PCDHA3: variants seen among roughly 807,000 people sequenced by gnomAD.
PCDHA3 encodes the protein protocadherin alpha 3, also known as protocadherin alpha-3.
In PCDHA3, 41 loss-of-function variants were observed where a neutral mutation model predicts 62.2. That is an observed-to-expected ratio of 0.66 (90% CI 0.51 to 0.86). The LOEUF is 0.86. Among genes scored for constraint, PCDHA3 ranks in the 40% least tolerant of loss-of-function variants. PCDHA3 has a pLI of 0.00. For synonymous variants in PCDHA3, 640 were observed against 555.4 expected, an observed-to-expected ratio of 1.15 and a Z score of -2.14; for missense variants, 1,304 against 1,241.2, an observed-to-expected ratio of 1.05 and a Z score of -0.76.
chr5:140,891,820 G>A (rs1341896388), intron 1 of PCDHA3, among the ~76,000 whole-genome samples: 1 of 152,102 alleles, frequency 6.6e-6, no homozygotes, highest in African/African-American at 2.4e-5. Context: ...TAAATTAACG[G>A]CACTGTAAAA....
At chr5:140,879,876 A>G (rs1326051828) in intron 1 of PCDHA3, among the ~76,000 whole-genome samples, 1 of 152,126 alleles carries the variant, frequency 6.6e-6, no homozygotes, top group Non-Finnish European at 1.5e-5. Flanking sequence ...TCATGGTCAC[A>G]TTGCCTCCTC....
At position 140,850,402 on chromosome 5, in the gene PCDHA3, C is replaced by T. The variant is rs2150482432; in HGVS notation, c.2394+46811C>T. On this transcript the variant is annotated intron_variant, in intron 1 of 3. Coordinates refer to ENST00000522353, the MANE Select transcript of PCDHA3 (RefSeq NM_018906.3). ...ACGGGCGAGATCAGCACAACGCGTG[C>T]CCTGGACGAAACGGACGCACCGCGC... 60 of 1,597,956 alleles carry T rather than the reference C, an allele frequency of 3.8e-5. 2 individuals carry two copies. The East Asian group carries it at 1.1e-3, about 30-fold the overall frequency.
intron 1 of PCDHA3, chr5:140,824,297 C>A: frequency 1.1e-6 from 1 of 881,762 alleles, no homozygotes; most frequent in Non-Finnish European, 1.8e-6. Context: ...GGCTTTTCTG[C>A]TGGGGTAATA....
At chr5:140,831,878 G>A (rs2150197940) in intron 1 of PCDHA3, among the ~76,000 whole-genome samples, 3 of 152,080 alleles carry the variant, frequency 2.0e-5, no homozygotes, top group Admixed American at 6.6e-5. Context: ...ATTGTAAGGC[G>A]CTTATAACTG....
chr5:140,886,268 A>C (rs1250080024), intron 1 of PCDHA3, among the ~76,000 whole-genome samples: 2 of 151,920 alleles, frequency 1.3e-5, no homozygotes, highest in Non-Finnish European at 2.9e-5. Flanking sequence ...TTATAGATAA[A>C]ATTTTTTAAA....
intron 3 of PCDHA3, chr5:140,988,797 AT>A (rs1481469131): frequency 2.0e-5 from 3 of 152,116 alleles, no homozygotes; most frequent in African/African-American, 7.2e-5. Context: ...TAATAGAAGA[AT>A]TTCTTCCGTA....
At position 140,807,679 on chromosome 5, in the gene PCDHA3, G is replaced by A. The variant is rs782215966; in HGVS notation, c.2394+4088G>A. 16 of 1,614,118 alleles carry A rather than the reference G, an allele frequency of 9.9e-6. No individual in the cohort carries two copies. In the Admixed American group the frequency reaches 2.7e-4, roughly 27 times the overall value. ...GCGCCTCGGATGCAGATATCGGGGAGAACGCCCTGCTCACTTACAGACTGA... is the reference window on the plus strand; with the variant it reads ...GCGCCTCGGATGCAGATATCGGGGAAAACGCCCTGCTCACTTACAGACTGA... On this transcript the variant is annotated intron_variant, in intron 1 of 3. Transcript: ENST00000522353.
chr5:140,878,145 A>G (rs1331184448), intron 1 of PCDHA3: 4 of 183,786 alleles, frequency 2.2e-5, no homozygotes, highest in African/African-American at 9.5e-5. Flanking sequence ...CAGATGTTTG[A>G]TAACTTAAAA....
rs57893927 is a variant in PCDHA3 at position 140,946,631 on chromosome 5, T to TATATAC, written c.2395-32317_2395-32316insTATACA. Among the ~76,000 whole-genome samples, 104 of 131,796 alleles carry TATATAC rather than the reference T, an allele frequency of 7.9e-4. 5 individuals are homozygous for TATATAC. Among genetic ancestry groups the TATATAC allele is most frequent in the Admixed American group, 1.7e-3 (23 of 13,490 alleles). The allele number at this position is 131,796 out of a possible 152,430, so 86.5% of individuals were successfully genotyped here. Reference sequence around the variant, plus strand: ...TGTGAAATATATATATATATATATATACAATGGAATACTCATCAGCCATTA... The same window carrying TATATAC: ...TGTGAAATATATATATATATATATATATATACACAATGGAATACTCATCAGCCATTA... On this transcript the variant is annotated intron_variant, in intron 1 of 3. Transcript: ENST00000522353.
intron 1 of PCDHA3, among the ~76,000 whole-genome samples, chr5:140,901,805 T>G (rs115665679): frequency 0.012 from 1,857 of 152,304 alleles, 44 homozygotes; most frequent in African/African-American, 0.042. Context: ...TGAACATTTT[T>G]ACAATATTGA....
At chr5:140,876,298 G>T (rs1469744425) in intron 1 of PCDHA3, 3 of 1,613,970 alleles carry the variant, frequency 1.9e-6, no homozygotes, top group Non-Finnish European at 1.7e-6. Context: ...ACTTAATGGA[G>T]AAATTTCCTA....
At chr5:140,941,185 CTTTT>C (rs782102770) in intron 1 of PCDHA3, among the ~76,000 whole-genome samples, 59 of 102,236 alleles carry the variant, frequency 5.8e-4, no homozygotes, top group South Asian at 3.1e-3. Context: ...CATCCTGCTT[CTTTT>C]TTTTTCTTTC....
At chr5:140,840,691 C>G (rs2150308754) in intron 1 of PCDHA3, among the ~76,000 whole-genome samples, 2 of 151,924 alleles carry the variant, frequency 1.3e-5, no homozygotes, top group Non-Finnish European at 2.9e-5. Context: ...GTAAATAAAA[C>G]GGTTCAGGCA....
intron 1 of PCDHA3, chr5:140,831,274 GTCT>G (rs1554133162): frequency 2.0e-5 from 3 of 152,218 alleles, no homozygotes; most frequent in East Asian, 3.9e-4. Flanking sequence ...TCACTTGATG[GTCT>G]TCTCTTCATG....
chr5:140,801,550 A>G lies in PCDHA3; in HGVS notation c.353A>G (p.His118Arg), dbSNP rs782806333. The change falls in exon 1 of 4, where the codon CAT becomes CGT. Residue 118 changes from histidine to arginine, a missense_variant. His to Arg is a conservative substitution (Grantham distance 29). Transcript: ENST00000522353. The stretch of plus-strand genomic sequence containing the variant: ...GTGGACAGGCCGCTGCAGGTTTTCC[A>G]TGTGGAGGTGGAAGTGAAGGACATT... Reference protein sequence around the residue: ...VIVDRPLQVFHVEVEVKDIND... With the variant: ...VIVDRPLQVFRVEVEVKDIND... The G allele has an allele frequency of 4.8e-5, 77 of 1,614,100 alleles. No individual in the cohort carries two copies. The highest frequency in any genetic ancestry group is 5.7e-5 in the Non-Finnish European group (67 of 1,180,048).
chr5:140,983,101 C>T (rs1047738074), intron 3 of PCDHA3, among the ~76,000 whole-genome samples: 2 of 152,228 alleles, frequency 1.3e-5, no homozygotes, highest in African/African-American at 4.8e-5. Flanking sequence ...ATCTGCTTCT[C>T]TCTGCACATC....
intron 1 of PCDHA3, chr5:140,881,365 T>A (rs1216010175): frequency 1.0e-6 from 1 of 985,144 alleles, no homozygotes; most frequent in Non-Finnish European, 1.2e-6. Flanking sequence ...GGCTTTCGTA[T>A]GAATTGCAGC....
chr5:140,883,621 C>G (rs368758287), intron 1 of PCDHA3: 2 of 1,613,850 alleles, frequency 1.2e-6, no homozygotes, highest in African/African-American at 2.7e-5. Flanking sequence ...TGAACGACAA[C>G]GCGCCGGCGT....
intron 3 of PCDHA3, among the ~76,000 whole-genome samples, chr5:140,992,987 C>G (rs1259400627): frequency 6.6e-6 from 1 of 152,158 alleles, no homozygotes; most frequent in East Asian, 1.9e-4. Context: ...GGCCATGGGA[C>G]CCATGAAAGA....
Sources: gnomAD v4.1 joint callset for allele counts (sites outside exome capture counted in the v4.1 genomes callset) on GRCh38, gnomAD v4.1.1 for gene constraint, MANE v1.5 for transcripts, NCBI Gene and HGNC (gene_info 2026-07-23, HGNC 2026-07-21) for gene names.